STMN4: variants seen among roughly 807,000 people sequenced by gnomAD.
STMN4 encodes stathmin-4.
STMN4 carries 12 observed loss-of-function variants against 29.1 expected under a neutral mutation model. That is an observed-to-expected ratio of 0.41 (90% CI 0.26 to 0.67). The LOEUF (loss-of-function observed/expected upper bound fraction) is 0.67, where lower values mean the gene tolerates loss of function less well. Among genes scored for constraint, STMN4 ranks in the 30% least tolerant of loss-of-function variants. The probability of loss-of-function intolerance (pLI) is 0.30; values close to 1 mark genes in which losing one functional copy is unlikely to be tolerated. For synonymous variants in STMN4, 114 were observed against 105.3 expected, an observed-to-expected ratio of 1.08 and a Z score of -0.51; for missense variants, 181 against 262.8, an observed-to-expected ratio of 0.69 and a Z score of 2.15.
At chr8:27,240,780 T>C (rs966858962) in intron 5 of STMN4, among the ~76,000 whole-genome samples, 9 of 152,114 alleles carry the variant, frequency 5.9e-5, no homozygotes, top group African/African-American at 2.2e-4. Context: ...TATTTGTCAG[T>C]CTTATTTTTG....
chr8:27,252,138 A>G (rs1801808067), intron 1 of STMN4, among the ~76,000 whole-genome samples: 1 of 147,760 alleles, frequency 6.8e-6, no homozygotes, highest in Non-Finnish European at 1.5e-5. Flanking sequence ...AAGGACACGA[A>G]CTCATCATTT....
chr8:27,237,775 A>G (rs1801351200), intron 6 of STMN4, among the ~76,000 whole-genome samples: 1 of 152,242 alleles, frequency 6.6e-6, no homozygotes, highest in South Asian at 2.1e-4. Context: ...AGAGAAGGGC[A>G]TAGACAGGTG....
chr8:27,242,078 T>A (rs1801490801), intron 3 of STMN4: 1 of 560,228 alleles, frequency 1.8e-6, no homozygotes, highest in Non-Finnish European at 3.2e-6. Flanking sequence ...GGTCTAGATG[T>A]TCCCCACAGG....
intron 1 of STMN4, among the ~76,000 whole-genome samples, chr8:27,247,866 A>T (rs1801670171): frequency 6.6e-6 from 1 of 152,242 alleles, no homozygotes. Flanking sequence ...AACCCAGTGC[A>T]GAAGCAAACC....
rs1198835962 is a variant in STMN4, at chr8:27,243,835, A to G, written c.-78-34T>C. 7 of 1,584,840 alleles carry G rather than the reference A, an allele frequency of 4.4e-6. No homozygotes were observed. In the East Asian group the frequency reaches 1.6e-4, roughly 35 times the overall value. Reference sequence around the variant, plus strand: ...AGGGGAGGACAGGATTTTACCATCGATGGATTAGACAGGTTATTCTCATAA... The same window carrying G: ...AGGGGAGGACAGGATTTTACCATCGGTGGATTAGACAGGTTATTCTCATAA... On this transcript the variant is annotated intron_variant, in intron 1 of 6. Coordinates refer to ENST00000350889, the MANE Select transcript of STMN4 (RefSeq NM_030795.4).
In STMN4 at chr8:27,236,843, G is replaced by T. The variant is rs541189653; in HGVS notation, c.*3C>A. 5 of 1,603,520 alleles carry T rather than the reference G, an allele frequency of 3.1e-6. No homozygotes were observed. The highest frequency in any genetic ancestry group is 1.1e-5 in the South Asian group (1 of 88,998). ...ACCTGGAAAGTTCTTTGGCCTCTAG[G>T]CTTTACCTGGAGGCCTCTTCCTTCA... On this transcript the variant is annotated 3_prime_UTR_variant, in exon 7 of 7. Coordinates refer to ENST00000350889, the MANE Select transcript of STMN4 (RefSeq NM_030795.4).
At chr8:27,239,306 T>C in intron 6 of STMN4, 1 of 1,535,174 alleles carries the variant, frequency 6.5e-7, no homozygotes, top group Middle Eastern at 1.7e-4. Flanking sequence ...GAGCTGGAGC[T>C]CTCCCAGGAG....
chr8:27,237,542 A>C (rs1801345122), intron 6 of STMN4, among the ~76,000 whole-genome samples: 1 of 152,216 alleles, frequency 6.6e-6, no homozygotes, highest in African/African-American at 2.4e-5. Flanking sequence ...GATGTGAGCC[A>C]CCGTGCCCAG....
chr8:27,243,267 T>A (rs527825724), intron 2 of STMN4, among the ~76,000 whole-genome samples: 1 of 152,062 alleles, frequency 6.6e-6, no homozygotes, highest in South Asian at 2.1e-4. Context: ...GAGATGAGGG[T>A]CTCAATATGT....
At chr8:27,255,760 G>C (rs539740134) in intron 1 of STMN4, among the ~76,000 whole-genome samples, 1 of 152,256 alleles carries the variant, frequency 6.6e-6, no homozygotes, top group African/African-American at 2.4e-5. Flanking sequence ...AAATGGCCTA[G>C]TCCAGTAAAA....
At position 27,250,515 on chromosome 8, in the gene STMN4, A is replaced by C. The variant is rs563332110; in HGVS notation, c.-78-6714T>G. Among the ~76,000 whole-genome samples, 24 of 152,354 alleles carry C rather than the reference A, an allele frequency of 1.6e-4. 1 individual carries two copies. The South Asian group carries it at 5.0e-3, about 32-fold the overall frequency. On this transcript the variant is annotated intron_variant, in intron 1 of 6. Coordinates refer to ENST00000350889, the MANE Select transcript of STMN4 (RefSeq NM_030795.4). ...GCTCTGCAGATGCTCTGCGGGCCTC[A>C]GCATGGTCTTCCGCGATAATGTGGA...
chr8:27,246,781 A>G (rs1207903463), intron 1 of STMN4, among the ~76,000 whole-genome samples: 1 of 152,214 alleles, frequency 6.6e-6, no homozygotes, highest in Non-Finnish European at 1.5e-5. Context: ...TGGAGTCTTC[A>G]GCAGAGTTCA....
At chr8:27,244,563 G>A (rs1801570554) in intron 1 of STMN4, among the ~76,000 whole-genome samples, 2 of 152,158 alleles carry the variant, frequency 1.3e-5, no homozygotes, top group Non-Finnish European at 2.9e-5. Context: ...CAGGGAGCCT[G>A]GGAGGTGTCC....
At chr8:27,252,258 C>T (rs2130151766) in intron 1 of STMN4, among the ~76,000 whole-genome samples, 1 of 152,206 alleles carries the variant, frequency 6.6e-6, no homozygotes, top group South Asian at 2.1e-4. Flanking sequence ...GTGAATAATG[C>T]CGCAATAAAC....
rs751218361 is a variant in STMN4, at chr8:27,236,898, T to C, written c.599A>G (p.His200Arg). 1.2e-6 allele frequency: 2 copies of C among 1,607,254 alleles called. No homozygotes were observed. The highest frequency in any genetic ancestry group is 2.2e-5 in the South Asian group (2 of 89,626). Residue 200 changes from histidine (H) to arginine (R), a missense_variant, in exon 7 of 7, where the codon CAC becomes CGC. Transcript: ENST00000350889. The stretch of plus-strand genomic sequence containing the variant: ...CTTGTTTTTCCGCACCTCCTCGGCG[T>C]GCTTGTCCTGGAAAGGAAGGGAGGG... ...MLERLQEKDK[H>R]AEEVRKNKEL...
chr8:27,257,441 C>G (rs1340896048), intron 1 of STMN4, among the ~76,000 whole-genome samples: 1 of 145,638 alleles, frequency 6.9e-6, no homozygotes, highest in Non-Finnish European at 1.5e-5. Flanking sequence ...CCTGACCTCT[C>G]CCTCCGACCC....
At chr8:27,243,642 T>G in intron 2 of STMN4, 69 bp downstream of exon 2, 1 of 1,519,982 alleles carries the variant, frequency 6.6e-7, no homozygotes, top group Non-Finnish European at 9.1e-7. Flanking sequence ...TCCCTGCTTC[T>G]GTGAGTCCAT....
intron 1 of STMN4, among the ~76,000 whole-genome samples, chr8:27,255,753 TGG>T (rs1801922440): frequency 2.6e-5 from 4 of 152,100 alleles, no homozygotes; most frequent in Admixed American, 6.6e-5. Flanking sequence ...TGGTTAAAAA[TGG>T]CCTAGTCCAG....
At chr8:27,241,813 A>T (rs2130071640) in intron 3 of STMN4, 56 bp from the exon 4 acceptor site, 1 of 1,594,970 alleles carries the variant, frequency 6.3e-7, no homozygotes, top group East Asian at 2.2e-5. Flanking sequence ...TTGGTGCCAG[A>T]CCAAACCAAA....
Sources: allele counts gnomAD v4.1 joint callset (sites outside exome capture counted in the v4.1 genomes callset), GRCh38; gene constraint gnomAD v4.1.1; transcripts MANE v1.5; gene names NCBI Gene and HGNC (gene_info 2026-07-23, HGNC 2026-07-21).